Variants in EPM2A observed in about 807,000 individuals in gnomAD.
The protein encoded by EPM2A is laforin.
EPM2A carries 21 observed loss-of-function variants against 26.5 expected under a neutral mutation model. The ratio of observed to expected loss-of-function variants is 0.79; its 90% CI spans 0.56 to 1.14. EPM2A has a LOEUF of 1.14. EPM2A is among the 50% of genes most tolerant of loss of function. The pLI is 0.00. For missense variants in EPM2A, 458 were observed against 440.8 expected (o/e 1.04, Z -0.35); for synonymous variants, 217 against 177.6 (o/e 1.22, Z -1.76).
intron 2 of EPM2A, among the ~76,000 whole-genome samples, chr6:145,665,934 T>C (rs1459086596): frequency 6.6e-6 from 1 of 151,040 alleles, no homozygotes; most frequent in Non-Finnish European, 1.5e-5. Flanking sequence ...TCTCAATAGA[T>C]GCAGAAAAAG....
intron 2 of EPM2A, among the ~76,000 whole-genome samples, chr6:145,571,040 T>A: frequency 6.6e-6 from 1 of 152,156 alleles, no homozygotes. Context: ...CCTCTGGAAC[T>A]AAGACCTCTA....
chr6:145,576,544 C>A (rs1781034433), intron 2 of EPM2A, among the ~76,000 whole-genome samples: 1 of 152,160 alleles, frequency 6.6e-6, no homozygotes, highest in Admixed American at 6.5e-5. Context: ...AATACTGTAT[C>A]AAGCAAAGTT....
intron 2 of EPM2A, among the ~76,000 whole-genome samples, chr6:145,587,007 C>T (rs1781204346): frequency 6.6e-6 from 1 of 152,012 alleles, no homozygotes; most frequent in Non-Finnish European, 1.5e-5. Flanking sequence ...TTTTCATTTC[C>T]TTTTATATAT....
chr6:145,389,685 C>A (rs569239530), intron 4 of EPM2A, among the ~76,000 whole-genome samples: 2 of 152,312 alleles, frequency 1.3e-5, no homozygotes, highest in East Asian at 3.9e-4. Context: ...CAAATTATTT[C>A]TCAACCTTAT....
intron 4 of EPM2A, among the ~76,000 whole-genome samples, chr6:145,469,132 G>A (rs1481762128): frequency 3.3e-5 from 5 of 152,094 alleles, no homozygotes; most frequent in Non-Finnish European, 5.9e-5. Flanking sequence ...AGAAGGCAAA[G>A]GGGAAGAAAG....
intron 2 of EPM2A, among the ~76,000 whole-genome samples, chr6:145,659,020 G>C (rs1778493526): frequency 6.6e-6 from 1 of 152,158 alleles, no homozygotes; most frequent in Non-Finnish European, 1.5e-5. Flanking sequence ...TTTCAAAGGA[G>C]ATGTGAAGGA....
At chr6:145,473,539 A>G (rs1779503738) in intron 4 of EPM2A, among the ~76,000 whole-genome samples, 1 of 152,150 alleles carries the variant, frequency 6.6e-6, no homozygotes, top group Admixed American at 6.6e-5. Context: ...TGAGAGAAAA[A>G]TATCAATACC....
At chr6:145,497,500 C>T (rs1392320413), downstream of EPM2A, among the ~76,000 whole-genome samples, 4 of 152,298 alleles carry the variant, frequency 2.6e-5, no homozygotes, top group South Asian at 4.1e-4. Flanking sequence ...TAGGAGGTCT[C>T]GCACAGTCAG....
intron 2 of EPM2A, among the ~76,000 whole-genome samples, chr6:145,667,481 G>A (rs1779294991): frequency 6.7e-6 from 1 of 149,244 alleles, no homozygotes; most frequent in Admixed American, 6.6e-5. Flanking sequence ...TCTCACACCA[G>A]TTAGAATGGC....
At chr6:145,697,188 G>C (rs1305862589) in intron 1 of EPM2A, among the ~76,000 whole-genome samples, 1 of 152,110 alleles carries the variant, frequency 6.6e-6, no homozygotes, top group Non-Finnish European at 1.5e-5. Flanking sequence ...ACAAAAGAGA[G>C]AAATTTTAAA....
intron 4 of EPM2A, among the ~76,000 whole-genome samples, chr6:145,447,497 C>T (rs1019023361): frequency 1.3e-5 from 2 of 151,976 alleles, no homozygotes; most frequent in African/African-American, 4.8e-5. Context: ...TACTTTCTTT[C>T]TATCTCTGTC....
At chr6:145,678,371 A>C (rs1780230115) in intron 2 of EPM2A, among the ~76,000 whole-genome samples, 1 of 152,240 alleles carries the variant, frequency 6.6e-6, no homozygotes, top group Non-Finnish European at 1.5e-5. Context: ...CACCAAAAGC[A>C]ATGGCAACAA....
chr6:145,559,106 A>C (rs978103515), intron 2 of EPM2A, among the ~76,000 whole-genome samples: 5 of 152,142 alleles, frequency 3.3e-5, no homozygotes, highest in Non-Finnish European at 7.4e-5. Flanking sequence ...TTTAGTAAAA[A>C]GAGATCATCA....
chr6:145,705,847 G>C (rs1408775216), intron 1 of EPM2A: 4 of 456,310 alleles, frequency 8.8e-6, no homozygotes, highest in African/African-American at 6.0e-5. Context: ...CTGGGGAGAG[G>C]ACATGGATAC....
intron 4 of EPM2A, among the ~76,000 whole-genome samples, chr6:145,396,774 T>C (rs1353330485): frequency 6.6e-6 from 1 of 152,232 alleles, no homozygotes; most frequent in Admixed American, 6.5e-5. Flanking sequence ...GTTCTTGTAG[T>C]GGTGACGTTT....
At chr6:145,549,351 G>C (rs1004173054) in intron 2 of EPM2A, among the ~76,000 whole-genome samples, 1 of 152,084 alleles carries the variant, frequency 6.6e-6, no homozygotes, top group Non-Finnish European at 1.5e-5. Flanking sequence ...ATATAATTCT[G>C]TTTTGAAGAA....
intron 2 of EPM2A, among the ~76,000 whole-genome samples, chr6:145,606,177 T>C (rs1775253207): frequency 6.6e-6 from 1 of 152,110 alleles, no homozygotes; most frequent in East Asian, 1.9e-4. Flanking sequence ...AAAAACACAA[T>C]TGCTATGGTT....
intron 2 of EPM2A, among the ~76,000 whole-genome samples, chr6:145,599,112 A>G (rs769722386): frequency 5.3e-5 from 8 of 152,146 alleles, no homozygotes; most frequent in Non-Finnish European, 1.2e-4. Flanking sequence ...TTTTACATGA[A>G]TTTTAAGATA....
At chr6:145,699,089 C>T (rs1353931057) in intron 1 of EPM2A, among the ~76,000 whole-genome samples, 1 of 152,106 alleles carries the variant, frequency 6.6e-6, no homozygotes, top group Non-Finnish European at 1.5e-5. Flanking sequence ...CAAAATATTC[C>T]AATTTAATCC....
Sources: gnomAD v4.1 joint callset for allele counts (sites outside exome capture counted in the v4.1 genomes callset) on GRCh38, gnomAD v4.1.1 for gene constraint, MANE v1.5 for transcripts, NCBI Gene and HGNC (gene_info 2026-07-23, HGNC 2026-07-21) for gene names.